NMT2: variants seen among roughly 807,000 people sequenced by gnomAD.
NMT2 encodes the protein glycylpeptide N-tetradecanoyltransferase 2.
In NMT2, 35 loss-of-function variants were observed where a neutral mutation model predicts 65.4. The ratio of observed to expected loss-of-function variants is 0.54; its 90% CI spans 0.41 to 0.71. NMT2 has a LOEUF of 0.71. NMT2 is among the 30% of genes least tolerant of loss of function. NMT2 has a pLI of 0.00. For synonymous variants in NMT2, 226 were observed against 231.8 expected, an observed-to-expected ratio of 0.98 and a Z score of 0.23; for missense variants, 489 against 611.3, an observed-to-expected ratio of 0.80 and a Z score of 2.11.
chr10:15,127,558 A>AATAAAAT (rs1846122972), intron 8 of NMT2, among the ~76,000 whole-genome samples: 2 of 95,596 alleles, frequency 2.1e-5, no homozygotes, highest in African/African-American at 2.2e-4. Flanking sequence ...AAAAAAAAAA[A>AATAAAAT]AAAAAAAAAA....
intron 1 of NMT2, among the ~76,000 whole-genome samples, chr10:15,163,517 T>A (rs1308620441): frequency 1.3e-5 from 2 of 152,224 alleles, no homozygotes; most frequent in Non-Finnish European, 2.9e-5. Context: ...AGGAGGTCCC[T>A]CAGGCAAAGA....
intron 9 of NMT2, among the ~76,000 whole-genome samples, chr10:15,117,598 A>G (rs1247589276): frequency 6.6e-6 from 1 of 152,236 alleles, no homozygotes; most frequent in African/African-American, 2.4e-5. Flanking sequence ...AGGAAGCAAT[A>G]AAGCTGTCCC....
chr10:15,153,370 T>G (rs113784727), intron 1 of NMT2, among the ~76,000 whole-genome samples: 1 of 152,382 alleles, frequency 6.6e-6, no homozygotes, highest in African/African-American at 2.4e-5. Context: ...CTGCCATTTG[T>G]GTTGAAGGCC....
intron 1 of NMT2, chr10:15,155,287 T>C (rs765049965): frequency 5.7e-6 from 8 of 1,392,900 alleles, no homozygotes; most frequent in Non-Finnish European, 8.1e-6. Context: ...TCGCTGTTGA[T>C]GGCGATGTTG....
At position 15,112,918 on chromosome 10, in the gene NMT2, G is replaced by T. The variant is rs1472867221; in HGVS notation, c.1216C>A (p.Pro406Thr). 3 of 1,614,104 alleles carry T rather than the reference G, an allele frequency of 1.9e-6. No individual in the cohort carries two copies. Among genetic ancestry groups the T allele is most frequent in the Non-Finnish European group, 2.5e-6 (3 of 1,179,994 alleles). ...GCAGGGTGGTGCATCACCGTGGAGG[G>T]GAGCGTATAGAAGCTCAGGAAATCA... The part of the protein sequence containing the change: ...LTDFLSFYTL[P>T]STVMHHPAHK... The change falls in exon 10 of 12, where the codon CCC becomes ACC. Residue 406 changes from proline to threonine, a missense_variant. Transcript: ENST00000378165.
intron 1 of NMT2, among the ~76,000 whole-genome samples, chr10:15,149,927 C>T (rs1362792102): frequency 6.6e-6 from 1 of 152,134 alleles, no homozygotes; most frequent in Non-Finnish European, 1.5e-5. Flanking sequence ...TAATTACCAG[C>T]AATTTTTAGG....
intron 8 of NMT2, among the ~76,000 whole-genome samples, chr10:15,122,536 C>T (rs767879985): frequency 6.6e-6 from 1 of 152,058 alleles, no homozygotes; most frequent in Non-Finnish European, 1.5e-5. Context: ...GATCCTGCCT[C>T]AGCTTCCCAA....
rs377521623 is a variant in NMT2, at chr10:15,132,463, T to C, written c.719+354A>G. 1.2e-4 allele frequency among the ~76,000 whole-genome samples: 19 copies of C among 152,232 alleles called. No individual in the cohort carries two copies. In the East Asian group the frequency reaches 1.7e-3, roughly 14 times the overall value. On this transcript the variant is annotated intron_variant, in intron 6 of 11. Coordinates refer to ENST00000378165, the MANE Select transcript of NMT2 (RefSeq NM_004808.3). Reference sequence around the variant, plus strand: ...TTTTTTTGAGATGGAGTTTCGCTCATGTTGCCCAGGATGGAGTGCAGTGGC... The same window carrying C: ...TTTTTTTGAGATGGAGTTTCGCTCACGTTGCCCAGGATGGAGTGCAGTGGC...
chr10:15,159,780 A>G (rs1228075192), intron 1 of NMT2, among the ~76,000 whole-genome samples: 1 of 152,194 alleles, frequency 6.6e-6, no homozygotes, highest in African/African-American at 2.4e-5. Context: ...CACATTAAGC[A>G]ACAGACGCAA....
At chr10:15,159,369 T>C (rs1259891903) in intron 1 of NMT2, among the ~76,000 whole-genome samples, 2 of 149,458 alleles carry the variant, frequency 1.3e-5, no homozygotes, top group Non-Finnish European at 3.0e-5. Flanking sequence ...GATAACCTAT[T>C]GTATATTTAA....
chr10:15,115,046 A>G (rs913067488), intron 9 of NMT2, among the ~76,000 whole-genome samples: 5 of 152,160 alleles, frequency 3.3e-5, no homozygotes, highest in Non-Finnish European at 7.4e-5. Flanking sequence ...ATCTAAAAAC[A>G]GAGGTAGTCT....
At chr10:15,161,962 T>C (rs1833212980) in intron 1 of NMT2, among the ~76,000 whole-genome samples, 1 of 152,168 alleles carries the variant, frequency 6.6e-6, no homozygotes, top group African/African-American at 2.4e-5. Flanking sequence ...TTGTTCAAAA[T>C]GTACAGATCG....
At chr10:15,125,220 A>G (rs557932277) in intron 8 of NMT2, among the ~76,000 whole-genome samples, 4 of 152,348 alleles carry the variant, frequency 2.6e-5, no homozygotes, top group South Asian at 4.1e-4. Flanking sequence ...ATTTGAAAGC[A>G]CTTCATAACC....
chr10:15,158,062 CCCAGCACTTTGGGAGG>C, intron 1 of NMT2, among the ~76,000 whole-genome samples: 1 of 152,212 alleles, frequency 6.6e-6, no homozygotes, highest in Non-Finnish European at 1.5e-5. Context: ...CGCTTGTAGA[CCCAGCACTTTGGGAGG>C]CCAAAGGAGG....
intron 2 of NMT2, chr10:15,138,500 C>G: frequency 2.1e-6 from 1 of 471,002 alleles, no homozygotes; most frequent in Non-Finnish European, 4.4e-6. Flanking sequence ...ACATTAACTT[C>G]CCACGATTCC....
At chr10:15,139,855 A>C (rs1414153677) in intron 2 of NMT2, 1 of 122,548 alleles carries the variant, frequency 8.2e-6, no homozygotes, top group African/African-American at 2.9e-5. Context: ...GTAGAATGGT[A>C]ACAACTACTA....
chr10:15,153,994 G>A (rs982879900), intron 1 of NMT2, among the ~76,000 whole-genome samples: 5 of 152,146 alleles, frequency 3.3e-5, no homozygotes, highest in Non-Finnish European at 5.9e-5. Flanking sequence ...GTTGAGCTGC[G>A]TGGGCTCCAG....
rs1321157871 is a variant in NMT2 at position 15,107,151 on chromosome 10, C to T, written c.*2044G>A. Reference sequence around the variant, plus strand: ...AAGTATGGCTATGTTCCAATAAAACCTTATTGAGGGACACCGGAATTTGAA... The same window carrying T: ...AAGTATGGCTATGTTCCAATAAAACTTTATTGAGGGACACCGGAATTTGAA... On this transcript the variant is annotated 3_prime_UTR_variant, in exon 12 of 12. Transcript: ENST00000378165. 6.6e-6 allele frequency among the ~76,000 whole-genome samples: 1 copy of T among 150,914 alleles called. No individual in the cohort carries two copies. The highest frequency in any genetic ancestry group is 1.5e-5 in the Non-Finnish European group (1 of 67,844).
intron 9 of NMT2, among the ~76,000 whole-genome samples, 163 bp downstream of exon 9, chr10:15,119,180 G>A (rs1845842254): frequency 6.6e-6 from 1 of 152,188 alleles, no homozygotes; most frequent in Non-Finnish European, 1.5e-5. Context: ...GTCCTTGATA[G>A]AGTATTCAGA....
Sources: allele counts gnomAD v4.1 joint callset (sites outside exome capture counted in the v4.1 genomes callset), GRCh38; gene constraint gnomAD v4.1.1; transcripts MANE v1.5; gene names NCBI Gene and HGNC (gene_info 2026-07-23, HGNC 2026-07-21).